Variants in SH3TC1 observed in about 807,000 individuals in gnomAD.
The protein encoded by SH3TC1 is SH3 domain and tetratricopeptide repeat-containing protein 1.
In SH3TC1, 135 loss-of-function variants were observed where a neutral mutation model predicts 117.3. The ratio of observed to expected loss-of-function variants is 1.15; its 90% CI spans 1.00 to 1.33. The LOEUF (loss-of-function observed/expected upper bound fraction) is 1.33. SH3TC1 is among the 40% of genes most tolerant of loss of function. The pLI, the probability that SH3TC1 is intolerant of heterozygous loss-of-function variation, is 0.00. For synonymous variants in SH3TC1, 898 were observed against 816.9 expected, an observed-to-expected ratio of 1.10 and a Z score of -1.69; for missense variants, 2,092 against 1,794.3, an observed-to-expected ratio of 1.17 and a Z score of -3.00.
In SH3TC1 at chr4:8,199,507, C is replaced by T. The variant is rs371212710; in HGVS notation, c.-29+102C>T. The stretch of plus-strand genomic sequence containing the variant: ...TCTTTACACTTTCTTGAGGACTTTT[C>T]TGACCTGTTTGGGATGGGGGTGGAG... On this transcript the variant is annotated intron_variant, in intron 1 of 17. Coordinates refer to ENST00000245105, the MANE Select transcript of SH3TC1 (RefSeq NM_018986.5). 3.9e-5 allele frequency: 6 copies of T among 152,362 alleles called. No homozygotes were observed. In the East Asian group the frequency reaches 5.8e-4, roughly 15 times the overall value. The allele number at this position is 152,362 out of a possible 1,614,324, so 9.4% of individuals were successfully genotyped here. A position where few individuals can be genotyped will look rare whatever the true frequency, so the allele number is the denominator to read the frequency against.
chr4:8,237,582 G>A lies in SH3TC1; in HGVS notation c.3665G>A (p.Cys1222Tyr). The A allele has an allele frequency of 6.2e-6, 10 of 1,612,456 alleles. No individual in the cohort carries two copies. Among genetic ancestry groups the A allele is most frequent in the Non-Finnish European group, 7.6e-6 (9 of 1,179,620 alleles). ...TTCTACCTCAAGGCCCTGTCGCTCT[G>A]CAACTCGCCGCTGGAGTTTGACGAG... ...EHFYLKALSL[C>Y]NSPLEFDEET... Residue 1222 changes from cysteine (C) to tyrosine (Y), a missense_variant, in exon 17 of 18, where the codon TGC becomes TAC. Cys to Tyr is a radical substitution (Grantham distance 194). Coordinates refer to ENST00000245105, the MANE Select transcript of SH3TC1 (RefSeq NM_018986.5).
At chr4:8,185,878 A>G (rs1295735091) in intron 1 of SH3TC1, among the ~76,000 whole-genome samples, 4 of 152,238 alleles carry the variant, frequency 2.6e-5, no homozygotes, top group Admixed American at 2.0e-4. Flanking sequence ...AGCGTTGGTC[A>G]TTTGCCCTCA....
rs147913231 is a variant in SH3TC1 at position 8,237,541 on chromosome 4, C to T, written c.3624C>T (p.Gly1208=). 3.0e-5 allele frequency: 48 copies of T among 1,609,284 alleles called. No homozygotes were observed. The African/African-American group carries it at 3.2e-4, about 11-fold the overall frequency. ...LAALQHRLGH[G]ELAEHFYLKA... The stretch of plus-strand genomic sequence containing the variant: ...CCCTGCAACACCGACTGGGCCATGG[C>T]GAGCTGGCAGAGCACTTCTACCTCA... Residue 1208 remains glycine, a synonymous_variant, in exon 17 of 18, where the codon GGC becomes GGT. Transcript: ENST00000245105.
chr4:8,223,268 T>C (rs1418765044), intron 10 of SH3TC1, among the ~76,000 whole-genome samples: 2 of 152,248 alleles, frequency 1.3e-5, no homozygotes, highest in Non-Finnish European at 2.9e-5. Flanking sequence ...GGAGAGGGTA[T>C]GGGTCTGGTT....
rs750890579 is a variant in SH3TC1, at chr4:8,214,506, G to A, written c.407G>A (p.Ser136Asn). 1 of 1,614,008 alleles carries A rather than the reference G, an allele frequency of 6.2e-7. No homozygotes were observed. Among genetic ancestry groups the A allele is most frequent in the East Asian group, 2.2e-5 (1 of 44,870 alleles). ...ELSARLLSIH[S>N]DQDRIVVTFK... ...TCAGCCAGGCTGCTGTCCATCCACA[G>A]TGACCAGGACCGGATCGTGGTGACG... The change falls in exon 5 of 18, where the codon AGT becomes AAT. Residue 136 changes from serine (S) to asparagine (N), a missense_variant. Coordinates refer to ENST00000245105, the MANE Select transcript of SH3TC1 (RefSeq NM_018986.5).
chr4:8,189,890 C>T (rs769063014), intron 1 of SH3TC1, among the ~76,000 whole-genome samples: 1 of 152,094 alleles, frequency 6.6e-6, no homozygotes, highest in Admixed American at 6.5e-5. Flanking sequence ...GGCTGGGAAA[C>T]GGGAGGTGTC....
chr4:8,235,000 C>A (rs1721677863), intron 14 of SH3TC1, among the ~76,000 whole-genome samples: 1 of 152,218 alleles, frequency 6.6e-6, no homozygotes, highest in African/African-American at 2.4e-5. Flanking sequence ...CTTCCTTGAG[C>A]TGAGGAGAAG....
chr4:8,232,466 T>C lies in SH3TC1; in HGVS notation c.3131+310T>C, dbSNP rs759119528. The C allele has an allele frequency of 6.1e-6, 9 of 1,464,118 alleles. No individual in the cohort carries two copies. The South Asian group carries it at 1.0e-4, about 16-fold the overall frequency. The allele number at this position is 1,464,118 out of a possible 1,614,324, so 90.7% of individuals were successfully genotyped here. On this transcript the variant is annotated intron_variant, in intron 13 of 17. Transcript: ENST00000245105. ...ATTCTGGGCTGTTCTTCCTACCTGGTGGCTTTTGTCATCTGACCTCTGCCT... is the reference window on the plus strand; with the variant it reads ...ATTCTGGGCTGTTCTTCCTACCTGGCGGCTTTTGTCATCTGACCTCTGCCT...
chr4:8,189,587 G>A (rs1407214509), intron 1 of SH3TC1, among the ~76,000 whole-genome samples: 1 of 152,192 alleles, frequency 6.6e-6, no homozygotes, highest in African/African-American at 2.4e-5. Flanking sequence ...TGGCAAGGAT[G>A]GCTTGGATGT....
intron 11 of SH3TC1, among the ~76,000 whole-genome samples, chr4:8,226,718 A>T (rs887369587): frequency 6.6e-6 from 1 of 152,180 alleles, no homozygotes; most frequent in Non-Finnish European, 1.5e-5. Context: ...ACAAAGGAGG[A>T]CAGGAGGGTG....
chr4:8,237,386 C>T (rs935288133), intron 16 of SH3TC1, 88 bp from the exon 17 acceptor site: 91 of 1,196,428 alleles, frequency 7.6e-5, no homozygotes, highest in Non-Finnish European at 9.7e-5. Flanking sequence ...GACCGCAGTG[C>T]CTGGAGGCGA....
At position 8,235,488 on chromosome 4, in the gene SH3TC1, T is replaced by A. The variant is rs377306484; in HGVS notation, c.3338T>A (p.Phe1113Tyr). 2.1e-5 allele frequency: 33 copies of A among 1,605,450 alleles called. No individual in the cohort carries two copies. The African/African-American group carries it at 4.4e-4, about 22-fold the overall frequency. Reference protein sequence around the residue: ...TGDPNLGLELFEAAGDIFFDG... With the variant: ...TGDPNLGLELYEAAGDIFFDG... Reference sequence around the variant, plus strand: ...GACCCCAACCTGGGGCTGGAGCTGTTTGAGGCGGCTGGAGACATCTTCTTC... The same window carrying A: ...GACCCCAACCTGGGGCTGGAGCTGTATGAGGCGGCTGGAGACATCTTCTTC... The change falls in exon 15 of 18, where the codon TTT (phenylalanine) becomes TAT (tyrosine). Residue 1113 changes from phenylalanine to tyrosine, a missense_variant. Phe to Tyr is a conservative substitution (Grantham distance 22, BLOSUM62 3). Coordinates refer to ENST00000245105, the MANE Select transcript of SH3TC1 (RefSeq NM_018986.5).
Position 8,233,525 on chromosome 4 carries a change from G to A in SH3TC1, c.3282+12G>A, listed in dbSNP as rs1351610602. The A allele has an allele frequency of 1.9e-6, 3 of 1,599,618 alleles. No individual in the cohort carries two copies. The highest frequency in any genetic ancestry group is 1.1e-5 in the South Asian group (1 of 88,660). On this transcript the variant is annotated intron_variant, in intron 14 of 17. Coordinates refer to ENST00000245105, the MANE Select transcript of SH3TC1 (RefSeq NM_018986.5). ...ACCTCTACATCCAGGTGAGTGATGA[G>A]GGATGCAGGAGGGCCTCTGCACATG...
intron 2 of SH3TC1, among the ~76,000 whole-genome samples, chr4:8,207,989 TTG>T (rs1178029067): frequency 6.6e-6 from 1 of 152,236 alleles, no homozygotes; most frequent in Non-Finnish European, 1.5e-5. Flanking sequence ...TTGAGAGGAC[TTG>T]CGTACAGGGT....
At chr4:8,193,295 A>G (rs1282540243) in intron 1 of SH3TC1, among the ~76,000 whole-genome samples, 1 of 152,108 alleles carries the variant, frequency 6.6e-6, no homozygotes, top group African/African-American at 2.4e-5. Context: ...TGGCCTCCGC[A>G]TTCCTGAGAG....
chr4:8,191,598 C>T (rs1272307913), intron 1 of SH3TC1, among the ~76,000 whole-genome samples: 1 of 152,254 alleles, frequency 6.6e-6, no homozygotes, highest in East Asian at 1.9e-4. Context: ...GATGACTCAT[C>T]ATGCTACCAT....
In SH3TC1 at chr4:8,227,618, G is replaced by T. The variant is rs1720624049; in HGVS notation, c.1924G>T (p.Glu642Ter). ...GACGCCTGACCACATCTGCAGCACC[G>T]AGGCGGAGGGGGAGCTCCTGCAGCT... ...LGTPDHICST[E>*]AEGELLQLAL... The change falls in exon 12 of 18, where the codon GAG becomes TAG. Residue 642 changes from glutamate (E) to a stop codon, truncating the protein, a stop_gained. Coordinates refer to ENST00000245105, the MANE Select transcript of SH3TC1 (RefSeq NM_018986.5). LOFTEE classifies it high-confidence loss of function. 1 of 1,524,714 alleles carries T rather than the reference G, an allele frequency of 6.6e-7. No homozygotes were observed. The highest frequency in any genetic ancestry group is 8.8e-7 in the Non-Finnish European group (1 of 1,139,382). 94.4% of individuals were successfully genotyped at this position (1,524,714 alleles called of 1,614,324 possible).
rs201070243 is a variant in SH3TC1, at chr4:8,227,359, C to T, written c.1665C>T (p.Leu555=). 95 of 1,590,142 alleles carry T rather than the reference C, an allele frequency of 6.0e-5. No homozygotes were observed. In the African/African-American group the frequency reaches 1.2e-3, roughly 20 times the overall value. Reference sequence around the variant, plus strand: ...GGGGGGCGGCCAAGAAAGCTGGCCTCCTCATGGCCCTGGCCAGGCTCTGCT... The same window carrying T: ...GGGGGGCGGCCAAGAAAGCTGGCCTTCTCATGGCCCTGGCCAGGCTCTGCT... ...QARGAAKKAG[L]LMALARLCFL... The change falls in exon 12 of 18, where the codon CTC becomes CTT. Residue 555 remains leucine, a synonymous_variant. Transcript: ENST00000245105.
chr4:8,202,091 G>A lies in SH3TC1; in HGVS notation c.-29+2686G>A, dbSNP rs189015991. On this transcript the variant is annotated intron_variant, in intron 1 of 17. Coordinates refer to ENST00000245105, the MANE Select transcript of SH3TC1 (RefSeq NM_018986.5). Reference sequence around the variant, plus strand: ...GACGCCTCCATGTGCTTCCGGAGAGGAGATGGGAAGACAGCCTGGCCTTGC... The same window carrying A: ...GACGCCTCCATGTGCTTCCGGAGAGAAGATGGGAAGACAGCCTGGCCTTGC... Among the ~76,000 whole-genome samples the A allele has an allele frequency of 5.3e-5, 8 of 152,328 alleles. No individual in the cohort carries two copies. In the East Asian group the frequency reaches 9.7e-4, roughly 18 times the overall value.
Sources: gnomAD v4.1 joint callset for allele counts (sites outside exome capture counted in the v4.1 genomes callset) on GRCh38, gnomAD v4.1.1 for gene constraint, MANE v1.5 for transcripts, NCBI Gene and HGNC (gene_info 2026-07-23, HGNC 2026-07-21) for gene names.